The following MAGI2 variants were observed in gnomAD, a reference collection of about 807,000 sequenced individuals.
MAGI2 encodes membrane-associated guanylate kinase, WW and PDZ domain-containing protein 2.
A neutral mutation model predicts 133.3 loss-of-function variants in MAGI2; 35 were observed. The observed-to-expected ratio is 0.26, with a 90% CI of 0.20 to 0.35. The LOEUF (loss-of-function observed/expected upper bound fraction) is 0.35, where lower values mean the gene tolerates loss of function less well. Among genes scored for constraint, MAGI2 ranks in the 10% least tolerant of loss-of-function variants. MAGI2 has a pLI of 1.00. For missense variants in MAGI2, 1,636 were observed against 1,863.4 expected (o/e 0.88, Z 2.25); for synonymous variants, 729 against 710.6 (o/e 1.03, Z -0.41).
At chr7:78,905,314 C>G (rs1341644583) in intron 2 of MAGI2, among the ~76,000 whole-genome samples, 1 of 152,202 alleles carries the variant, frequency 6.6e-6, no homozygotes, top group Non-Finnish European at 1.5e-5. Flanking sequence ...AATTCTCTCT[C>G]TGTCTCACTC....
chr7:78,144,495 G>A (rs981052728), intron 16 of MAGI2, among the ~76,000 whole-genome samples: 6 of 152,234 alleles, frequency 3.9e-5, no homozygotes, highest in South Asian at 2.1e-4. Context: ...TCACTGAAGC[G>A]TTTATGATTT....
intron 9 of MAGI2, among the ~76,000 whole-genome samples, chr7:78,284,868 C>T (rs1681731111): frequency 6.6e-6 from 1 of 152,102 alleles, no homozygotes; most frequent in Non-Finnish European, 1.5e-5. Context: ...AGGAATTTCT[C>T]TGGGCAAAAT....
intron 1 of MAGI2, among the ~76,000 whole-genome samples, chr7:79,425,659 T>C (rs576089871): frequency 6.6e-6 from 1 of 151,616 alleles, no homozygotes; most frequent in East Asian, 1.9e-4. Flanking sequence ...GTCTCAGTTC[T>C]GTAACTGAGT....
intron 2 of MAGI2, among the ~76,000 whole-genome samples, chr7:78,976,197 A>G (rs1264319295): frequency 6.6e-6 from 1 of 151,582 alleles, no homozygotes; most frequent in Admixed American, 6.6e-5. Context: ...TTATCAAGCC[A>G]CATCAAAAAT....
At chr7:79,030,045 A>G (rs1810410763) in intron 1 of MAGI2, among the ~76,000 whole-genome samples, 1 of 152,152 alleles carries the variant, frequency 6.6e-6, no homozygotes, top group Non-Finnish European at 1.5e-5. Flanking sequence ...AGCCACCCCC[A>G]CTGAGGAGTA....
intron 6 of MAGI2, among the ~76,000 whole-genome samples, chr7:78,439,595 A>G (rs1562997118): frequency 6.6e-6 from 1 of 152,134 alleles, no homozygotes. Context: ...ACCAGGCAAT[A>G]CTAGTAAGCA....
At chr7:78,186,458 T>C (rs758109744) in intron 12 of MAGI2, among the ~76,000 whole-genome samples, 4 of 152,198 alleles carry the variant, frequency 2.6e-5, no homozygotes, top group Non-Finnish European at 5.9e-5. Flanking sequence ...ATGGTGGAGA[T>C]GTGCAACTCC....
intron 3 of MAGI2, among the ~76,000 whole-genome samples, chr7:78,589,569 C>G (rs1364426222): frequency 6.6e-6 from 1 of 152,126 alleles, no homozygotes; most frequent in East Asian, 1.9e-4. Flanking sequence ...TGCTTTCCGA[C>G]CCTAATTCCG....
chr7:78,605,352 TGGA>T (rs969777162), intron 3 of MAGI2, among the ~76,000 whole-genome samples: 1 of 152,148 alleles, frequency 6.6e-6, no homozygotes, highest in Non-Finnish European at 1.5e-5. Context: ...GGCAACTGGG[TGGA>T]GAAGAATTTT....
chr7:78,070,174 C>CATATATATATAT (rs57714371), intron 21 of MAGI2, among the ~76,000 whole-genome samples: 67 of 56,600 alleles, frequency 1.2e-3, no homozygotes, highest in South Asian at 3.7e-3. Context: ...CACACACACA[C>CATATATATATAT]ATATATATAT....
intron 2 of MAGI2, among the ~76,000 whole-genome samples, chr7:78,893,208 A>G (rs1390938997): frequency 3.3e-5 from 5 of 152,080 alleles, no homozygotes; most frequent in Non-Finnish European, 4.4e-5. Flanking sequence ...TAGAATGGCA[A>G]TCATTAAAAA....
intron 6 of MAGI2, among the ~76,000 whole-genome samples, chr7:78,461,916 C>CAAAAAAAAA (rs55811983): frequency 7.2e-4 from 22 of 30,502 alleles, no homozygotes; most frequent in South Asian, 1.7e-3. Flanking sequence ...AATTCCGTCT[C>CAAAAAAAAA]AAAAAAAAAA....
chr7:78,697,955 A>G (rs1028124847), intron 2 of MAGI2, among the ~76,000 whole-genome samples: 2 of 152,178 alleles, frequency 1.3e-5, no homozygotes, highest in Admixed American at 6.5e-5. Context: ...TCTATTGTAC[A>G]TGTGTACAAG....
intron 10 of MAGI2, among the ~76,000 whole-genome samples, chr7:78,204,328 T>C (rs1829536501): frequency 6.6e-6 from 1 of 152,172 alleles, no homozygotes; most frequent in Non-Finnish European, 1.5e-5. Flanking sequence ...GTCCTAGCCT[T>C]TCTCAATTCT....
intron 18 of MAGI2, among the ~76,000 whole-genome samples, chr7:78,129,607 G>T (rs1448473035): frequency 6.6e-6 from 1 of 152,086 alleles, no homozygotes; most frequent in Non-Finnish European, 1.5e-5. Context: ...CCAGAACAAA[G>T]AAATGCTGCC....
In MAGI2 at chr7:79,392,023, G is replaced by C. The variant is rs532725975; in HGVS notation, c.301+60997C>G. Among the ~76,000 whole-genome samples the C allele has an allele frequency of 2.6e-5, 4 of 152,028 alleles. 1 individual carries two copies. The South Asian group carries it at 8.3e-4, about 32-fold the overall frequency. ...CCCTCCCCTTGACTCACCACCCTCCGACAGGCCCCGGTGTGTGATATTCCC... is the reference window on the plus strand; with the variant it reads ...CCCTCCCCTTGACTCACCACCCTCCCACAGGCCCCGGTGTGTGATATTCCC... On this transcript the variant is annotated intron_variant, in intron 1 of 21. Transcript: ENST00000354212.
intron 1 of MAGI2, among the ~76,000 whole-genome samples, chr7:79,193,265 G>A (rs906405771): frequency 9.9e-5 from 15 of 151,918 alleles, no homozygotes; most frequent in Non-Finnish European, 2.2e-4. Flanking sequence ...GTAGCCAATC[G>A]CTTATGCGGA....
chr7:78,070,126 CAT>C (rs5885039), intron 21 of MAGI2, among the ~76,000 whole-genome samples: 2 of 136,224 alleles, frequency 1.5e-5, no homozygotes, highest in South Asian at 2.4e-4. Context: ...CACACACACA[CAT>C]ATATGTGTGT....
chr7:78,460,935 T>C (rs1274646856), intron 6 of MAGI2, among the ~76,000 whole-genome samples: 8 of 131,664 alleles, frequency 6.1e-5, no homozygotes, highest in Non-Finnish European at 9.6e-5. Context: ...AATAAGGATC[T>C]GGTAAAACAC....
Sources: allele counts gnomAD v4.1 joint callset (sites outside exome capture counted in the v4.1 genomes callset), GRCh38; gene constraint gnomAD v4.1.1; transcripts MANE v1.5; gene names NCBI Gene and HGNC (gene_info 2026-07-23, HGNC 2026-07-21).